OTUD7A: variants seen among roughly 807,000 people sequenced by gnomAD.
OTUD7A encodes OTU domain-containing protein 7A.
Under a neutral mutation model 65.7 loss-of-function variants are expected in OTUD7A, and 12 were observed. The ratio of observed to expected loss-of-function variants is 0.18; its 90% CI spans 0.12 to 0.30. The LOEUF (loss-of-function observed/expected upper bound fraction) is 0.30. Ranked by LOEUF, OTUD7A falls within the 10% of genes least tolerant of loss-of-function variation. The probability of loss-of-function intolerance (pLI) is 1.00; values close to 1 mark genes in which losing one functional copy is unlikely to be tolerated. For missense variants in OTUD7A, 1,148 were observed against 1,304.8 expected (o/e 0.88, Z 1.85); for synonymous variants, 641 against 586.3 (o/e 1.09, Z -1.35).
chr15:31,860,793 C>T (rs1397753775), intron 1 of OTUD7A, among the ~76,000 whole-genome samples: 1 of 147,782 alleles, frequency 6.8e-6, no homozygotes, highest in East Asian at 2.0e-4. Flanking sequence ...GCAAGCTACG[C>T]CTCCTGGGTT....
chr15:31,726,554 C>T (rs1254997241), intron 1 of OTUD7A, among the ~76,000 whole-genome samples: 1 of 152,188 alleles, frequency 6.6e-6, no homozygotes. Flanking sequence ...TGTTATTGTA[C>T]CCCATTAGCA....
chr15:31,862,264 G>C (rs561387665), intron 1 of OTUD7A, among the ~76,000 whole-genome samples: 1 of 152,184 alleles, frequency 6.6e-6, no homozygotes, highest in Admixed American at 6.5e-5. Flanking sequence ...CCTGCCCAAT[G>C]AGCCCTTGTA....
intron 1 of OTUD7A, among the ~76,000 whole-genome samples, chr15:31,757,393 G>A (rs1290028212): frequency 6.6e-6 from 1 of 150,622 alleles, no homozygotes; most frequent in Non-Finnish European, 1.5e-5. Context: ...AGGGTTCTTG[G>A]CACAGAGAAA....
At chr15:31,551,180 T>C (rs986125249) in intron 5 of OTUD7A, among the ~76,000 whole-genome samples, 4 of 152,170 alleles carry the variant, frequency 2.6e-5, no homozygotes, top group African/African-American at 9.7e-5. Flanking sequence ...CCAGCCATGG[T>C]AAATGCCAGC....
intron 4 of OTUD7A, among the ~76,000 whole-genome samples, chr15:31,567,539 T>G (rs1221961517): frequency 1.3e-5 from 2 of 152,204 alleles, no homozygotes; most frequent in Non-Finnish European, 2.9e-5. Context: ...AAAAGCTTTT[T>G]CAGAAGAATT....
chr15:31,541,028 T>C (rs1310696828), intron 5 of OTUD7A, among the ~76,000 whole-genome samples: 1 of 152,196 alleles, frequency 6.6e-6, no homozygotes, highest in East Asian at 1.9e-4. Context: ...AGGGAGACAG[T>C]GAATTGGAAA....
chr15:31,820,902 A>G (rs551484251), intron 1 of OTUD7A, among the ~76,000 whole-genome samples: 1 of 152,206 alleles, frequency 6.6e-6, no homozygotes, highest in South Asian at 2.1e-4. Context: ...CTAATTCTAG[A>G]GCATTTTCAT....
At chr15:31,631,280 C>CCA in intron 3 of OTUD7A, among the ~76,000 whole-genome samples, 1 of 152,176 alleles carries the variant, frequency 6.6e-6, no homozygotes, top group Non-Finnish European at 1.5e-5. Context: ...TTAGGGCAGA[C>CCA]CTGGTGGTGA....
intron 1 of OTUD7A, among the ~76,000 whole-genome samples, chr15:31,864,795 A>ACACACAC (rs1491113393): frequency 7.1e-6 from 1 of 141,490 alleles, no homozygotes; most frequent in Admixed American, 7.1e-5. Flanking sequence ...ACACACACAC[A>ACACACAC]AGTCAAAGCA....
chr15:31,736,297 A>AC (rs869083196), intron 1 of OTUD7A, among the ~76,000 whole-genome samples: 10 of 151,784 alleles, frequency 6.6e-5, no homozygotes, highest in South Asian at 4.2e-4. Context: ...GGGTAACTCC[A>AC]CCCCCCCAAA....
intron 1 of OTUD7A, among the ~76,000 whole-genome samples, chr15:31,846,864 C>T (rs992495610): frequency 2.0e-5 from 3 of 152,126 alleles, no homozygotes; most frequent in African/African-American, 7.2e-5. Flanking sequence ...CTAAAGAGTA[C>T]TTGCTACTTT....
chr15:31,604,657 T>A (rs1890186036), intron 3 of OTUD7A, among the ~76,000 whole-genome samples: 1 of 152,214 alleles, frequency 6.6e-6, no homozygotes, highest in Non-Finnish European at 1.5e-5. Flanking sequence ...TGCAAATAGC[T>A]GCTAGAGCAG....
intron 3 of OTUD7A, among the ~76,000 whole-genome samples, chr15:31,590,574 A>C (rs912406735): frequency 6.6e-6 from 1 of 152,228 alleles, no homozygotes; most frequent in African/African-American, 2.4e-5. Context: ...TATTCCACAG[A>C]CGAAATTATC....
At chr15:31,639,886 A>C (rs2141260539) in intron 3 of OTUD7A, among the ~76,000 whole-genome samples, 1 of 152,322 alleles carries the variant, frequency 6.6e-6, no homozygotes, top group South Asian at 2.1e-4. Context: ...TTGAGTCATG[A>C]GAACTCTTTA....
At chr15:31,788,852 C>T (rs1895741687) in intron 1 of OTUD7A, among the ~76,000 whole-genome samples, 1 of 152,234 alleles carries the variant, frequency 6.6e-6, no homozygotes, top group Non-Finnish European at 1.5e-5. Context: ...ATAATCTTAA[C>T]TGCTCCATCC....
chr15:31,519,044 G>A (rs2041902773), intron 8 of OTUD7A, among the ~76,000 whole-genome samples: 1 of 152,178 alleles, frequency 6.6e-6, no homozygotes, highest in African/African-American at 2.4e-5. Context: ...AAGACTTATT[G>A]CTTAGGATCA....
At position 31,652,366 on chromosome 15, in the gene OTUD7A, A is replaced by G. The variant is rs111231771; in HGVS notation, c.151+2730T>C. On this transcript the variant is annotated intron_variant, in intron 3 of 12. Coordinates refer to ENST00000307050, the MANE Select transcript of OTUD7A (RefSeq NM_001382637.1). ...TCAAATGGATCATAGATCTAAATGT[A>G]AAACATGAAAGTATAAAACTTTTAA... Among the ~76,000 whole-genome samples, 1,498 of 152,344 alleles carry G rather than the reference A, an allele frequency of 9.8e-3. 34 individuals are homozygous for G. Among genetic ancestry groups the G allele is most frequent in the African/African-American group, 0.035 (1,437 of 41,568 alleles).
chr15:31,711,194 G>A (rs937845833), intron 1 of OTUD7A, among the ~76,000 whole-genome samples: 4 of 151,768 alleles, frequency 2.6e-5, no homozygotes, highest in African/African-American at 9.7e-5. Context: ...ATTAGGGAAA[G>A]TTCAGAAAAC....
intron 1 of OTUD7A, among the ~76,000 whole-genome samples, chr15:31,855,458 G>A (rs1485590546): frequency 6.6e-6 from 1 of 152,062 alleles, no homozygotes; most frequent in East Asian, 1.9e-4. Context: ...GGAAAACAGA[G>A]CCAGGGATTA....
Sources: gnomAD v4.1 joint callset for allele counts (sites outside exome capture counted in the v4.1 genomes callset) on GRCh38, gnomAD v4.1.1 for gene constraint, MANE v1.5 for transcripts, NCBI Gene and HGNC (gene_info 2026-07-23, HGNC 2026-07-21) for gene names.